Variants in CDK13 observed in about 807,000 individuals in gnomAD.
CDK13 encodes cyclin dependent kinase 13.
CDK13 carries 40 observed loss-of-function variants against 137.6 expected under a neutral mutation model. That is an observed-to-expected ratio of 0.29 (90% CI 0.23 to 0.38). CDK13 has a LOEUF of 0.38. CDK13 is among the 10% of genes least tolerant of loss of function. CDK13 has a pLI of 1.00. For synonymous variants in CDK13, 869 were observed against 760.1 expected, an observed-to-expected ratio of 1.14 and a Z score of -2.36; for missense variants, 1,704 against 1,951.8, an observed-to-expected ratio of 0.87 and a Z score of 2.39.
At position 39,964,844 on chromosome 7, in the gene CDK13, A is replaced by G. The variant is rs1179054883; in HGVS notation, c.1211+12992A>G. ...TTGTGTCTTTGTTCTCGTTGGTTTC[A>G]AAGAACATCTTTATTTCTGCCTTCA... On this transcript the variant is annotated intron_variant, in intron 1 of 13. Coordinates refer to ENST00000181839, the MANE Select transcript of CDK13 (RefSeq NM_003718.5). Among the ~76,000 whole-genome samples the G allele has an allele frequency of 2.6e-5, 4 of 152,288 alleles. No homozygotes were observed. In the South Asian group the frequency reaches 8.3e-4, roughly 32 times the overall value.
chr7:40,044,673 G>GTC (rs1785695358), intron 5 of CDK13, among the ~76,000 whole-genome samples: 1 of 151,964 alleles, frequency 6.6e-6, no homozygotes, highest in African/African-American at 2.4e-5. Context: ...GTCTCGCTCT[G>GTC]TCACCCAGGC....
At chr7:40,027,094 A>G (rs1785259086) in intron 5 of CDK13, among the ~76,000 whole-genome samples, 1 of 152,198 alleles carries the variant, frequency 6.6e-6, no homozygotes. Flanking sequence ...TTGTAATCCC[A>G]GCATTTTGGG....
At chr7:39,953,328 A>T (rs910886916) in intron 1 of CDK13, among the ~76,000 whole-genome samples, 5 of 152,216 alleles carry the variant, frequency 3.3e-5, no homozygotes, top group Non-Finnish European at 7.3e-5. Context: ...GTTACTTTTA[A>T]CTATAATACT....
chr7:40,020,447 C>G (rs1442719534), intron 5 of CDK13, among the ~76,000 whole-genome samples: 1 of 152,164 alleles, frequency 6.6e-6, no homozygotes, highest in African/African-American at 2.4e-5. Flanking sequence ...CTTTCATACT[C>G]CTTTACTCTT....
At chr7:39,986,161 A>T (rs757780361) in intron 1 of CDK13, 3 of 152,210 alleles carry the variant, frequency 2.0e-5, no homozygotes, top group Admixed American at 6.5e-5. Context: ...GTAATATTTT[A>T]CCCAATTTCT....
At chr7:39,981,227 G>A (rs1784215841) in intron 1 of CDK13, among the ~76,000 whole-genome samples, 1 of 152,034 alleles carries the variant, frequency 6.6e-6, no homozygotes, top group Admixed American at 6.6e-5. Context: ...AATTAGTCGA[G>A]TGTGGTGGTG....
intron 5 of CDK13, among the ~76,000 whole-genome samples, chr7:40,041,860 A>G (rs775812090): frequency 6.6e-6 from 1 of 152,198 alleles, no homozygotes; most frequent in Non-Finnish European, 1.5e-5. Context: ...GTGTTTTATT[A>G]TTACATTGCT....
At chr7:40,010,710 C>T (rs945105445) in intron 5 of CDK13, among the ~76,000 whole-genome samples, 6 of 152,096 alleles carry the variant, frequency 3.9e-5, no homozygotes, top group Non-Finnish European at 7.4e-5. Context: ...GTTGGAACTT[C>T]GCTCACCTGC....
intron 1 of CDK13, among the ~76,000 whole-genome samples, chr7:39,954,176 T>C (rs1044892563): frequency 2.0e-4 from 30 of 152,320 alleles, no homozygotes; most frequent in African/African-American, 6.3e-4. Context: ...TTTCTGAGTC[T>C]TCTAGACTAA....
intron 12 of CDK13, 141 bp downstream of exon 12, chr7:40,088,472 G>A (rs1233955297): frequency 8.7e-6 from 6 of 688,294 alleles, no homozygotes; most frequent in African/African-American, 5.4e-5. Flanking sequence ...CTTTGTGCCA[G>A]TACAGAAGTT....
chr7:39,950,713 A>G lies in CDK13; in HGVS notation c.72A>G (p.Glu24=). The part of the protein sequence containing the change: ...GLSWAEKKLE[E]RRKRRRFLSP... ...GCTGGGCGGAGAAGAAGTTGGAGGA[A>G]CGCCGCAAGCGGAGGCGATTCCTGT... is the stretch of plus-strand genomic sequence containing the variant. The change falls in exon 1 of 14, where the codon GAA becomes GAG. Residue 24 remains glutamate, a synonymous_variant. Coordinates refer to ENST00000181839, the MANE Select transcript of CDK13 (RefSeq NM_003718.5). The G allele has an allele frequency of 6.9e-7, 1 of 1,453,450 alleles. No individual in the cohort carries two copies. The allele number at this position is 1,453,450 out of a possible 1,614,324, so 90.0% of individuals were successfully genotyped here.
intron 1 of CDK13, among the ~76,000 whole-genome samples, chr7:39,968,486 G>A (rs933313042): frequency 1.3e-5 from 2 of 152,124 alleles, no homozygotes; most frequent in East Asian, 1.9e-4. Flanking sequence ...CAGTCCTCCC[G>A]CCTAGCCTCT....
chr7:39,976,431 G>GTT (rs1481245899), intron 1 of CDK13, among the ~76,000 whole-genome samples: 1 of 151,646 alleles, frequency 6.6e-6, no homozygotes, highest in Non-Finnish European at 1.5e-5. Context: ...AAAGACTTGG[G>GTT]TTTGAATATT....
In CDK13 at chr7:39,992,097, ACACACACG is replaced by A. The variant is rs1203028227; in HGVS notation, c.1871+3847_1871+3854del. ...CACACACACACACACACACACACACACACACACGCACACACACACACAAGCACACACGC... is the reference window on the plus strand; with the variant it reads ...CACACACACACACACACACACACACACACACACACACACAAGCACACACGC... On this transcript the variant is annotated intron_variant, in intron 2 of 13. Coordinates refer to ENST00000181839, the MANE Select transcript of CDK13 (RefSeq NM_003718.5). Among the ~76,000 whole-genome samples, 79 of 103,310 alleles carry A rather than the reference ACACACACG, an allele frequency of 7.6e-4. 1 individual carries two copies. The highest frequency in any genetic ancestry group is 2.4e-3 in the East Asian group (10 of 4,214). The allele number at this position is 103,310 out of a possible 152,430, so 67.8% of individuals were successfully genotyped here.
chr7:40,064,139 C>A (rs1786218511), intron 9 of CDK13, among the ~76,000 whole-genome samples: 1 of 151,864 alleles, frequency 6.6e-6, no homozygotes, highest in Non-Finnish European at 1.5e-5. Context: ...ACAAAATTAG[C>A]CCGGCGTGGT....
At chr7:39,992,068 TATACAC>T (rs1204957553) in intron 2 of CDK13, among the ~76,000 whole-genome samples, 2 of 87,342 alleles carry the variant, frequency 2.3e-5, no homozygotes, top group African/African-American at 8.7e-5. Context: ...AGGAAAAAAT[TATACAC>T]ACACACACAC....
chr7:39,997,834 C>G, intron 3 of CDK13, 170 bp downstream of exon 3: 1 of 551,852 alleles, frequency 1.8e-6, no homozygotes, highest in East Asian at 3.3e-5. Flanking sequence ...GCTTGCATTC[C>G]TATTCACAAT....
chr7:39,989,876 G>A lies in CDK13; in HGVS notation c.1871+1618G>A, dbSNP rs943462837. 4.6e-5 allele frequency among the ~76,000 whole-genome samples: 7 copies of A among 151,184 alleles called. No individual in the cohort carries two copies. In the East Asian group the frequency reaches 1.4e-3, roughly 30 times the overall value. On this transcript the variant is annotated intron_variant, in intron 2 of 13. Coordinates refer to ENST00000181839, the MANE Select transcript of CDK13 (RefSeq NM_003718.5). ...CGGCTCACTGCAAGCTCTGCCTCCT[G>A]GGTTCATGCCGTTCTTCTGCCTCAG...
At chr7:40,029,746 G>A (rs1333949153) in intron 5 of CDK13, among the ~76,000 whole-genome samples, 6 of 151,918 alleles carry the variant, frequency 3.9e-5, no homozygotes, top group African/African-American at 7.2e-5. Context: ...TCTGCCTCCC[G>A]GGTTCAAGCG....
Sources: gnomAD v4.1 joint callset for allele counts (sites outside exome capture counted in the v4.1 genomes callset) on GRCh38, gnomAD v4.1.1 for gene constraint, MANE v1.5 for transcripts, NCBI Gene and HGNC (gene_info 2026-07-23, HGNC 2026-07-21) for gene names.